FGD2: variants seen among roughly 807,000 people sequenced by gnomAD.
FGD2 encodes FYVE, RhoGEF and PH domain containing 2, also known as FYVE, RhoGEF and PH domain-containing protein 2.
Under a neutral mutation model 75.9 loss-of-function variants are expected in FGD2, and 52 were observed. The ratio of observed to expected loss-of-function variants is 0.69; its 90% CI spans 0.55 to 0.86. The LOEUF is 0.86. FGD2 is among the 40% of genes least tolerant of loss of function. The probability of loss-of-function intolerance (pLI) is 0.00; values close to 1 mark genes in which losing one functional copy is unlikely to be tolerated. For synonymous variants in FGD2, 347 were observed against 348.6 expected (o/e 1.00, Z 0.05); for missense variants, 790 against 872.0 (o/e 0.91, Z 1.18).
At position 37,013,625 on chromosome 6, in the gene FGD2, A is replaced by G; in HGVS notation, c.544A>G (p.Ile182Val). The change falls in exon 5 of 16, where the codon ATC (isoleucine) becomes GTC (valine). Residue 182 changes from isoleucine (I) to valine (V), a missense_variant. By Grantham distance (29) the Ile-to-Val change is conservative. Transcript: ENST00000274963. ...RLDDWTANPR[I>V]GDVIQKLAPF... is the part of the protein sequence containing the mutation. ...CTCCTGCAGGACAGCTAACCCCCGC[A>G]TCGGTGACGTGATCCAGAAGCTGGC... 2 of 1,613,984 alleles carry G rather than the reference A, an allele frequency of 1.2e-6. No individual in the cohort carries two copies. Among genetic ancestry groups the G allele is most frequent in the Non-Finnish European group, 1.7e-6 (2 of 1,179,910 alleles).
intron 15 of FGD2, 47 bp from the exon 16 acceptor site, chr6:37,027,901 G>A: frequency 6.3e-7 from 1 of 1,595,506 alleles, no homozygotes; most frequent in Non-Finnish European, 8.6e-7. Flanking sequence ...ATCTGGGGCA[G>A]TAGGACTGAG....
Position 37,021,538 on chromosome 6 carries a change from C to CGAG in FGD2, c.1261_1263dup (p.Glu421dup), listed in dbSNP as rs1561939324. On this transcript the variant is annotated inframe_insertion, in exon 12 of 16. Transcript: ENST00000274963. ...CCTTCCAAGCAGCCATTGACCAAAT[C>CGAG]GAGAAGCGGAATGAAACCTTCAAGG... 11 of 1,613,884 alleles carry CGAG rather than the reference C, an allele frequency of 6.8e-6. No individual in the cohort carries two copies. The highest frequency in any genetic ancestry group is 1.7e-5 in the Admixed American group (1 of 60,004).
At chr6:37,025,962 C>T in intron 14 of FGD2, 24 bp downstream of exon 14, 4 of 1,612,624 alleles carry the variant, frequency 2.5e-6, no homozygotes, top group Non-Finnish European at 3.4e-6. Context: ...TCCCCGCGCT[C>T]ACCATCCGTC....
intron 14 of FGD2, 129 bp from the exon 15 acceptor site, chr6:37,027,300 C>T (rs1765871189): frequency 3.6e-6 from 4 of 1,121,452 alleles, no homozygotes; most frequent in Non-Finnish European, 3.7e-6. Flanking sequence ...CTCTCTGAGC[C>T]TCAAGGACCA....
At chr6:37,023,449 A>G (rs763507022) in intron 13 of FGD2, 1 of 152,116 alleles carries the variant, frequency 6.6e-6, no homozygotes, top group Non-Finnish European at 1.5e-5. Context: ...CCTCTTATCA[A>G]TCCAGGCCCA....
At chr6:37,018,164 A>G (rs2150777736) in intron 9 of FGD2, among the ~76,000 whole-genome samples, 1 of 152,356 alleles carries the variant, frequency 6.6e-6, no homozygotes, top group Admixed American at 6.5e-5. Flanking sequence ...ATCGACAGAT[A>G]GGAAGGCTAA....
chr6:37,010,799 C>T (rs536919020), intron 2 of FGD2, among the ~76,000 whole-genome samples, 174 bp from the exon 3 acceptor site: 1 of 152,350 alleles, frequency 6.6e-6, no homozygotes, highest in Admixed American at 6.5e-5. Flanking sequence ...CCTTACTCAG[C>T]TGCATTCTGT....
At chr6:37,021,746 CA>C in intron 12 of FGD2, 142 bp downstream of exon 12, 1 of 737,798 alleles carries the variant, frequency 1.4e-6, no homozygotes, top group East Asian at 2.8e-5. Context: ...GAAGCCTTCC[CA>C]GCGCATCCCC....
At position 37,010,991 on chromosome 6, in the gene FGD2, G is replaced by A. The variant is rs777498400; in HGVS notation, c.319G>A (p.Val107Ile). 21 of 1,613,984 alleles carry A rather than the reference G, an allele frequency of 1.3e-5. No individual in the cohort carries two copies. The highest frequency in any genetic ancestry group is 5.3e-5 in the African/African-American group (4 of 74,910). Residue 107 changes from valine to isoleucine, a missense_variant, in exon 3 of 16, where the codon GTC becomes ATC. Coordinates refer to ENST00000274963, the MANE Select transcript of FGD2 (RefSeq NM_173558.4). ...TCCGCAGGAGCCAGAGAAGAAGATC[G>A]TCCAGGAGCTGCTGGAGACAGAGCA... ...SGTQEPEKKI[V>I]QELLETEQAY...
chr6:37,021,415 T>G, intron 11 of FGD2, 97 bp from the exon 12 acceptor site: 1 of 1,121,778 alleles, frequency 8.9e-7, no homozygotes, highest in Non-Finnish European at 1.3e-6. Flanking sequence ...CCAGTGGGCT[T>G]TCAGCCCTGT....
rs1205636343 is a variant in FGD2, at chr6:37,025,589, TC to T, written c.1459-198del. 6.8e-6 allele frequency: 4 copies of T among 592,200 alleles called. No individual in the cohort carries two copies. In the Admixed American group the frequency reaches 1.2e-4, roughly 18 times the overall value. The allele number at this position is 592,200 out of a possible 1,614,324, so 36.7% of individuals were successfully genotyped here. A position where few individuals can be genotyped will look rare whatever the true frequency, so the allele number is the denominator to read the frequency against. Reference sequence around the variant, plus strand: ...CAGCCTAAGAGCCCCGAGCCCGAGCTCCCCCATGTGTCGCAGCCTCCAGGCA... The same window carrying T: ...CAGCCTAAGAGCCCCGAGCCCGAGCTCCCCATGTGTCGCAGCCTCCAGGCA... On this transcript the variant is annotated intron_variant, in intron 13 of 15. Coordinates refer to ENST00000274963, the MANE Select transcript of FGD2 (RefSeq NM_173558.4).
Position 37,023,265 on chromosome 6 carries a change from G to A in FGD2, c.1458+895G>A, listed in dbSNP as rs148853473. On this transcript the variant is annotated intron_variant, in intron 13 of 15. Coordinates refer to ENST00000274963, the MANE Select transcript of FGD2 (RefSeq NM_173558.4). ...TTCAGGCCTCAGTCTCCTTAACTCC[G>A]CCATGGGGATCGTGAAACCTACCTC... The A allele has an allele frequency of 9.4e-3, 1,461 of 154,870 alleles. 10 individuals carry two copies. Among genetic ancestry groups the A allele is most frequent in the African/African-American group, 0.022 (928 of 41,596 alleles). The allele number at this position is 154,870 out of a possible 1,614,324, so 9.6% of individuals were successfully genotyped here.
At position 37,013,723 on chromosome 6, in the gene FGD2, C is replaced by T. The variant is rs80344574; in HGVS notation, c.642C>T (p.Thr214=). 2.5e-3 allele frequency: 4,050 copies of T among 1,614,028 alleles called. 97 individuals are homozygous for T. The African/African-American group carries it at 0.048, about 19-fold the overall frequency. Reference sequence around the variant, plus strand: ...CGGCTGAGCTGCTGGCCACCTGGACCGACAAGTCTCCACTCTTCCAGGAGG... The same window carrying T: ...CGGCTGAGCTGCTGGCCACCTGGACTGACAAGTCTCCACTCTTCCAGGAGG... ...ERAAELLATW[T]DKSPLFQEVL... The change falls in exon 5 of 16, where the codon ACC becomes ACT. Residue 214 remains threonine, a synonymous_variant. Transcript: ENST00000274963.
At chr6:37,005,957 C>A in intron 1 of FGD2, 72 bp downstream of exon 1, 1 of 1,547,978 alleles carries the variant, frequency 6.5e-7, no homozygotes, top group Non-Finnish European at 8.8e-7. Context: ...TGGCAGCTCT[C>A]TCCCTGGGCC....
rs58421270 is a variant in FGD2 at position 37,020,888 on chromosome 6, A to ATGTGTGTGTGTGTGTG, written c.1233+158_1233+173dup. 1,097 of 697,466 alleles carry ATGTGTGTGTGTGTGTG rather than the reference A, an allele frequency of 1.6e-3. 5 individuals are homozygous for ATGTGTGTGTGTGTGTG. Among genetic ancestry groups the ATGTGTGTGTGTGTGTG allele is most frequent in the African/African-American group, 0.016 (824 of 52,840 alleles). The allele number at this position is 697,466 out of a possible 1,614,324, so 43.2% of individuals were successfully genotyped here. On this transcript the variant is annotated intron_variant, in intron 11 of 15. Transcript: ENST00000274963. ...AGGGGAGGGAGTGGTGTATGTATGC[A>ATGTGTGTGTGTGTGTG]TGTGTGTGTGTGTGTGTGTGTGTGC...
chr6:37,021,702 T>G, intron 12 of FGD2, 98 bp downstream of exon 12: 1 of 1,104,378 alleles, frequency 9.1e-7, no homozygotes, highest in Non-Finnish European at 1.3e-6. Flanking sequence ...GGAGAGGGAG[T>G]GTCATCTGCC....
Position 37,015,006 on chromosome 6 carries a change from C to T in FGD2, c.997C>T (p.Arg333Cys), listed in dbSNP as rs746649633. The change falls in exon 8 of 16, where the codon CGC becomes TGC. Residue 333 changes from arginine to cysteine, a missense_variant. Coordinates refer to ENST00000274963, the MANE Select transcript of FGD2 (RefSeq NM_173558.4). ...EGPVLKISFR[R>C]NDPMERYLFL... ...CCCGGTCCTCAAGATCTCCTTCCGCCGCAACGACCCCATGGAGCGCTACCT... is the reference window on the plus strand; with the variant it reads ...CCCGGTCCTCAAGATCTCCTTCCGCTGCAACGACCCCATGGAGCGCTACCT... The T allele has an allele frequency of 1.3e-5, 21 of 1,613,994 alleles. No individual in the cohort carries two copies. Among genetic ancestry groups the T allele is most frequent in the African/African-American group, 5.3e-5 (4 of 74,930 alleles).
At chr6:37,019,275 A>G (rs935218021) in intron 9 of FGD2, among the ~76,000 whole-genome samples, 1 of 152,212 alleles carries the variant, frequency 6.6e-6, no homozygotes, top group Admixed American at 6.5e-5. Context: ...TTGCACACAA[A>G]GAGGTATTTG....
At chr6:37,024,031 C>G (rs774151143) in intron 13 of FGD2, 2 of 152,108 alleles carry the variant, frequency 1.3e-5, no homozygotes, top group Non-Finnish European at 1.5e-5. Context: ...TTTGATGATG[C>G]AACATATCTA....
Sources: allele counts gnomAD v4.1 joint callset (sites outside exome capture counted in the v4.1 genomes callset), GRCh38; gene constraint gnomAD v4.1.1; transcripts MANE v1.5; gene names NCBI Gene and HGNC (gene_info 2026-07-23, HGNC 2026-07-21).